The following PCDH15 variants were observed in gnomAD, a reference collection of about 807,000 sequenced individuals.
PCDH15 encodes the protein protocadherin-15.
Under a neutral mutation model 178.5 loss-of-function variants are expected in PCDH15, and 129 were observed. That is an observed-to-expected ratio of 0.72 (90% confidence interval 0.63 to 0.84). The LOEUF is 0.84. Among genes scored for constraint, PCDH15 ranks in the 40% least tolerant of loss-of-function variants. The pLI is 0.00. For missense variants in PCDH15, 2,230 were observed against 2,099.9 expected, an observed-to-expected ratio of 1.06 and a Z score of -1.21; for synonymous variants, 800 against 732.0, an observed-to-expected ratio of 1.09 and a Z score of -1.50.
intron 28 of PCDH15, among the ~76,000 whole-genome samples, chr10:53,851,593 A>C (rs1416019671): frequency 1.3e-5 from 2 of 148,932 alleles, no homozygotes; most frequent in Non-Finnish European, 3.0e-5. Flanking sequence ...TTTTTATTAC[A>C]TTGATTTAAG....
At chr10:53,928,429 G>T (rs1273103969) in intron 25 of PCDH15, among the ~76,000 whole-genome samples, 1 of 151,970 alleles carries the variant, frequency 6.6e-6, no homozygotes, top group Non-Finnish European at 1.5e-5. Context: ...TTTAAGTGCA[G>T]ACCTGACCTT....
At chr10:54,750,300 TGTTA>T (rs35793630) in intron 1 of PCDH15, among the ~76,000 whole-genome samples, 75,570 of 151,134 alleles carry the variant, frequency 0.5, 19,412 homozygotes, top group Middle Eastern at 0.67. Flanking sequence ...TAATTAAAAT[TGTTA>T]GTTTATCCAC....
chr10:54,948,579 A>AATC (rs1838250392), intron 2 of PCDH15, among the ~76,000 whole-genome samples: 2 of 151,918 alleles, frequency 1.3e-5, no homozygotes, highest in Admixed American at 1.3e-4. Flanking sequence ...AGCATTATCC[A>AATC]ATCTGTTGAG....
intron 1 of PCDH15, among the ~76,000 whole-genome samples, chr10:54,739,299 A>G (rs1253434015): frequency 3.3e-5 from 5 of 151,930 alleles, no homozygotes; most frequent in African/African-American, 1.2e-4. Flanking sequence ...AAATACAAGA[A>G]AGTAATTCAA....
intron 2 of PCDH15, among the ~76,000 whole-genome samples, chr10:55,364,297 A>C (rs1441686785): frequency 1.3e-5 from 2 of 152,300 alleles, no homozygotes; most frequent in Middle Eastern, 3.4e-3. Flanking sequence ...GCAGTAAGCA[A>C]AACGGATTAA....
intron 10 of PCDH15, among the ~76,000 whole-genome samples, chr10:54,201,471 T>G (rs764318220): frequency 2.0e-5 from 3 of 152,012 alleles, no homozygotes; most frequent in Non-Finnish European, 2.9e-5. Flanking sequence ...ATTCCACTGT[T>G]CTATGCTATT....
At chr10:54,177,937 T>C (rs2047604107) in intron 13 of PCDH15, among the ~76,000 whole-genome samples, 1 of 152,194 alleles carries the variant, frequency 6.6e-6, no homozygotes, top group African/African-American at 2.4e-5. Context: ...GCTTGCTGCT[T>C]GGGAAAGAGG....
chr10:55,617,543 T>A (rs893872797), intron 2 of PCDH15, among the ~76,000 whole-genome samples: 3 of 152,016 alleles, frequency 2.0e-5, no homozygotes, highest in African/African-American at 7.2e-5. Context: ...GAATGTAAGA[T>A]CTGACATAAC....
At chr10:54,807,012 T>C (rs1205981125) in intron 3 of PCDH15, among the ~76,000 whole-genome samples, 1 of 152,172 alleles carries the variant, frequency 6.6e-6, no homozygotes, top group Non-Finnish European at 1.5e-5. Flanking sequence ...CCTTAGTCTA[T>C]TGGTTATAAG....
chr10:54,456,500 TG>T (rs1280482101), intron 3 of PCDH15, among the ~76,000 whole-genome samples: 3 of 152,196 alleles, frequency 2.0e-5, no homozygotes, highest in Non-Finnish European at 4.4e-5. Context: ...GTATCTATGA[TG>T]TAACTAACTC....
intron 2 of PCDH15, among the ~76,000 whole-genome samples, chr10:54,638,761 G>A (rs561217674): frequency 5.3e-5 from 8 of 152,014 alleles, no homozygotes; most frequent in Non-Finnish European, 1.0e-4. Context: ...CACAATTCAC[G>A]ACTGCAAAGA....
At chr10:54,653,232 AAC>A (rs1209852455) in intron 2 of PCDH15, among the ~76,000 whole-genome samples, 4 of 152,202 alleles carry the variant, frequency 2.6e-5, no homozygotes, top group Non-Finnish European at 5.9e-5. Context: ...GAAAACAGCT[AAC>A]AGAGTATCCA....
intron 2 of PCDH15, among the ~76,000 whole-genome samples, chr10:55,595,064 C>G (rs1201973748): frequency 1.3e-5 from 2 of 151,898 alleles, no homozygotes; most frequent in Non-Finnish European, 2.9e-5. Flanking sequence ...TTGAAATTCA[C>G]TGAAATATGT....
intron 15 of PCDH15, among the ~76,000 whole-genome samples, chr10:54,105,778 C>T (rs2094907231): frequency 6.6e-6 from 1 of 152,066 alleles, no homozygotes; most frequent in Non-Finnish European, 1.5e-5. Flanking sequence ...ACAGCAATTC[C>T]ATTCTTAGGT....
At chr10:54,358,150 C>G (rs9416322) in intron 5 of PCDH15, among the ~76,000 whole-genome samples, 1 of 139,268 alleles carries the variant, frequency 7.2e-6, no homozygotes. Context: ...GCAACAAAAG[C>G]TAAAATTGAC....
At chr10:54,728,353 T>C (rs1012152777) in intron 1 of PCDH15, among the ~76,000 whole-genome samples, 3 of 151,538 alleles carry the variant, frequency 2.0e-5, no homozygotes, top group Non-Finnish European at 3.0e-5. Flanking sequence ...ATTATCTCAA[T>C]AGACACAGAA....
At chr10:53,854,893 C>T (rs192963654) in intron 28 of PCDH15, among the ~76,000 whole-genome samples, 83 of 152,112 alleles carry the variant, frequency 5.5e-4, no homozygotes, top group Non-Finnish European at 1.1e-3. Flanking sequence ...TTTATGAAGT[C>T]AGAGCTTCCT....
chr10:55,147,899 G>A (rs2132097174), intron 2 of PCDH15, among the ~76,000 whole-genome samples: 1 of 150,920 alleles, frequency 6.6e-6, no homozygotes, highest in Non-Finnish European at 1.5e-5. Context: ...CTTCAATTTT[G>A]AGGATTAGAT....
rs536319891 is a variant in PCDH15 at position 54,563,167 on chromosome 10, C to A, written c.92-35290G>T. On this transcript the variant is annotated intron_variant, in intron 2 of 37. Coordinates refer to ENST00000644397, the MANE Select transcript of PCDH15 (RefSeq NM_001384140.1). ...TTTACATTTTGCTTATCATTTTGAT[C>A]TTCCTCTTATGATCTATACATTTGA... 1.6e-3 allele frequency among the ~76,000 whole-genome samples: 243 copies of A among 152,210 alleles called. 2 individuals are homozygous for A. The highest frequency in any genetic ancestry group is 5.7e-3 in the African/African-American group (238 of 41,538).
Sources: gnomAD v4.1 joint callset for allele counts (sites outside exome capture counted in the v4.1 genomes callset) on GRCh38, gnomAD v4.1.1 for gene constraint, MANE v1.5 for transcripts, NCBI Gene and HGNC (gene_info 2026-07-23, HGNC 2026-07-21) for gene names.